Variants in FAM20C observed in about 807,000 individuals in gnomAD.
The protein encoded by FAM20C is extracellular serine/threonine protein kinase FAM20C.
In FAM20C, 40 loss-of-function variants were observed where a neutral mutation model predicts 51.5. The ratio of observed to expected loss-of-function variants is 0.78; its 90% CI spans 0.60 to 1.01. The LOEUF (loss-of-function observed/expected upper bound fraction) is 1.01. Ranked by LOEUF, FAM20C falls within the 50% of genes least tolerant of loss-of-function variation. The pLI, the probability that FAM20C is intolerant of heterozygous loss-of-function variation, is 0.00. For missense variants in FAM20C, 861 were observed against 844.7 expected, an observed-to-expected ratio of 1.02 and a Z score of -0.24; for synonymous variants, 406 against 380.6, an observed-to-expected ratio of 1.07 and a Z score of -0.78.
intron 7 of FAM20C, 29 bp downstream of exon 7, chr7:256,792 G>A (rs1412249601): frequency 9.2e-6 from 14 of 1,526,902 alleles, no homozygotes; most frequent in East Asian, 4.9e-5. Context: ...CGGGGTCCCC[G>A]TGTCACTCGC....
intron 3 of FAM20C, among the ~76,000 whole-genome samples, chr7:214,791 C>G (rs1786883125): frequency 6.6e-6 from 1 of 152,098 alleles, no homozygotes; most frequent in Non-Finnish European, 1.5e-5. Context: ...GTGGACGCAC[C>G]CAGCAGGCTG....
At chr7:213,894 T>G (rs925040201) in intron 3 of FAM20C, among the ~76,000 whole-genome samples, 1 of 152,164 alleles carries the variant, frequency 6.6e-6, no homozygotes, top group Non-Finnish European at 1.5e-5. Context: ...TGGTTTTGAC[T>G]TGCACGTCCC....
rs1562400736 is a variant in FAM20C, at chr7:257,744, C to CCGGGG, written c.1445+658_1445+659insCGGGG. ...GGGACAGGCGGGGTGGACCCACTGCCTGGGGTGCTGGAGATGGGCAGGGTG... is the reference window on the plus strand; with the variant it reads ...GGGACAGGCGGGGTGGACCCACTGCCCGGGGTGGGGTGCTGGAGATGGGCAGGGTG... On this transcript the variant is annotated intron_variant, in intron 8 of 9. Transcript: ENST00000313766. Among the ~76,000 whole-genome samples the CCGGGG allele has an allele frequency of 2.6e-4, 37 of 139,704 alleles. 3 individuals are homozygous for CCGGGG. Among genetic ancestry groups the CCGGGG allele is most frequent in the Non-Finnish European group, 4.1e-4 (27 of 65,596 alleles). The allele number at this position is 139,704 out of a possible 152,430, so 91.7% of individuals were successfully genotyped here. A position where few individuals can be genotyped will look rare whatever the true frequency, so the allele number is the denominator to read the frequency against.
intron 1 of FAM20C, 98 bp from the exon 2 acceptor site, chr7:195,456 C>T (rs1464392529): frequency 4.9e-6 from 6 of 1,236,336 alleles, no homozygotes; most frequent in Non-Finnish European, 5.3e-6. Context: ...TTGCTTGAAC[C>T]CAAAGTTAAA....
At chr7:220,491 C>T (rs1183746818) in intron 3 of FAM20C, among the ~76,000 whole-genome samples, 1 of 152,190 alleles carries the variant, frequency 6.6e-6, no homozygotes, top group Non-Finnish European at 1.5e-5. Flanking sequence ...AACGAAGGAG[C>T]ATGGCAGAGA....
In FAM20C at chr7:260,103, C is replaced by A; in HGVS notation, c.*123C>A. 2 of 1,316,684 alleles carry A rather than the reference C, an allele frequency of 1.5e-6. No homozygotes were observed. Among genetic ancestry groups the A allele is most frequent in the Non-Finnish European group, 2.0e-6 (2 of 1,007,404 alleles). 81.6% of individuals were successfully genotyped at this position (1,316,684 alleles called of 1,614,324 possible). ...GGACGGGATCATCCGGAGTCGGGAG[C>A]TGCTGCCACAGGAGGCGAGGCTCCC... On this transcript the variant is annotated 3_prime_UTR_variant, in exon 10 of 10. Coordinates refer to ENST00000313766, the MANE Select transcript of FAM20C (RefSeq NM_020223.4).
At chr7:195,773 G>A (rs1429432514) in intron 2 of FAM20C, 41 bp downstream of exon 2, 16 of 1,494,470 alleles carry the variant, frequency 1.1e-5, no homozygotes, top group Non-Finnish European at 1.3e-5. Flanking sequence ...CTGTGTGCCG[G>A]CTGTGTGGCA....
chr7:193,829 A>G, intron 1 of FAM20C, 25 bp downstream of exon 1: 1 of 1,548,254 alleles, frequency 6.5e-7, no homozygotes, highest in South Asian at 1.2e-5. Context: ...GCAGGTGCCC[A>G]CCCCCAAGGG....
rs1785615923 is a variant in FAM20C at position 192,723 on chromosome 7, G to A, written c.-477G>A. Among the ~76,000 whole-genome samples, 1 of 148,824 alleles carries A rather than the reference G, an allele frequency of 6.7e-6. No individual in the cohort carries two copies. The highest frequency in any genetic ancestry group is 1.5e-5 in the Non-Finnish European group (1 of 66,628). On this transcript the variant is annotated 5_prime_UTR_variant, in exon 1 of 10. Transcript: ENST00000313766. ...GGGCGCGGCGTGAGAGCAGAGCCCG[G>A]CCCGGAGGAGCCGCCCCTTCCCCGC...
At chr7:204,411 C>A (rs915135227) in intron 2 of FAM20C, among the ~76,000 whole-genome samples, 2 of 152,346 alleles carry the variant, frequency 1.3e-5, no homozygotes, top group East Asian at 1.9e-4. Flanking sequence ...CGCAGTGGTC[C>A]AGGGCACTGA....
At chr7:247,949 G>A (rs529230413) in intron 4 of FAM20C, among the ~76,000 whole-genome samples, 1 of 152,252 alleles carries the variant, frequency 6.6e-6, no homozygotes, top group East Asian at 1.9e-4. Context: ...TTAATTAAGC[G>A]AGTGGGAGCC....
In FAM20C at chr7:193,075, G is replaced by A; in HGVS notation, c.-125G>A. 1 of 815,762 alleles carries A rather than the reference G, an allele frequency of 1.2e-6. No individual in the cohort carries two copies. Among genetic ancestry groups the A allele is most frequent in the South Asian group, 3.2e-5 (1 of 30,904 alleles). 50.5% of individuals were successfully genotyped at this position (815,762 alleles called of 1,614,324 possible). On this transcript the variant is annotated 5_prime_UTR_variant, in exon 1 of 10. Coordinates refer to ENST00000313766, the MANE Select transcript of FAM20C (RefSeq NM_020223.4). ...GCGGCCCGGGCCCGGGGACAGCCCC[G>A]GAGCTGGTAGCCGCCCGGCACCGAT...
intron 5 of FAM20C, among the ~76,000 whole-genome samples, chr7:251,909 A>G (rs139828661): frequency 0.054 from 8,262 of 152,246 alleles, 279 homozygotes; most frequent in Non-Finnish European, 0.082. Flanking sequence ...CAGAGCAGCC[A>G]GGCCCAGCAT....
Position 193,465 on chromosome 7 carries a change from G to T in FAM20C, c.266G>T (p.Arg89Leu). 3 of 1,479,838 alleles carry T rather than the reference G, an allele frequency of 2.0e-6. No homozygotes were observed. Among genetic ancestry groups the T allele is most frequent in the Non-Finnish European group, 2.7e-6 (3 of 1,109,858 alleles). 91.7% of individuals were successfully genotyped at this position (1,479,838 alleles called of 1,614,324 possible). The part of the protein sequence containing the change: ...DAGWPNKHTL[R>L]ILQDFSSDPS... ...GGCTGGCCCAACAAGCACACGCTCC[G>T]CATCCTGCAGGACTTCAGCTCCGAC... The change falls in exon 1 of 10, where the codon CGC becomes CTC. Residue 89 changes from arginine (R) to leucine (L), a missense_variant. Transcript: ENST00000313766.
intron 3 of FAM20C, among the ~76,000 whole-genome samples, chr7:232,502 T>C (rs1787732536): frequency 6.6e-6 from 1 of 152,218 alleles, no homozygotes; most frequent in Non-Finnish European, 1.5e-5. Flanking sequence ...ATCAATTCAC[T>C]CAAACAGCTT....
chr7:236,107 C>T (rs1381698654), intron 3 of FAM20C, among the ~76,000 whole-genome samples: 3 of 152,064 alleles, frequency 2.0e-5, no homozygotes, highest in Non-Finnish European at 2.9e-5. Flanking sequence ...CGTCCCCTTC[C>T]GTGCAGAGGG....
At chr7:232,585 G>A (rs1787734712) in intron 3 of FAM20C, among the ~76,000 whole-genome samples, 1 of 152,246 alleles carries the variant, frequency 6.6e-6, no homozygotes, top group South Asian at 2.1e-4. Context: ...TTGGTAATAA[G>A]CTGCCAGTTT....
chr7:251,271 C>CTGAGTG (rs1788396509), intron 5 of FAM20C, among the ~76,000 whole-genome samples: 1 of 130,184 alleles, frequency 7.7e-6, no homozygotes. Context: ...GTGGCTCACA[C>CTGAGTG]GCCTGCAATC....
In FAM20C at chr7:260,456, C is replaced by T. The variant is rs182205590; in HGVS notation, c.*476C>T. ...AAACCCTTTCTCCTTCCTGGGGCCT[C>T]GGCTCCTGGAGGGCTGGAGGGTCTC... On this transcript the variant is annotated 3_prime_UTR_variant, in exon 10 of 10. Transcript: ENST00000313766. 9 of 152,794 alleles carry T rather than the reference C, an allele frequency of 5.9e-5. No homozygotes were observed. The East Asian group carries it at 9.7e-4, about 16-fold the overall frequency. 9.5% of individuals were successfully genotyped at this position (152,794 alleles called of 1,614,324 possible). A position where few individuals can be genotyped will look rare whatever the true frequency, so the allele number is the denominator to read the frequency against.
Sources: allele counts gnomAD v4.1 joint callset (sites outside exome capture counted in the v4.1 genomes callset), GRCh38; gene constraint gnomAD v4.1.1; transcripts MANE v1.5; gene names NCBI Gene and HGNC (gene_info 2026-07-23, HGNC 2026-07-21).